Variants in TENM2 observed in about 807,000 individuals in gnomAD.
The protein encoded by TENM2 is teneurin transmembrane protein 2.
TENM2 carries 52 observed loss-of-function variants against 245.2 expected under a neutral mutation model. That is an observed-to-expected ratio of 0.21 (90% confidence interval 0.17 to 0.27). The LOEUF (loss-of-function observed/expected upper bound fraction) is 0.27. TENM2 is among the 10% of genes least tolerant of loss of function. The pLI is 1.00. For synonymous variants in TENM2, 1,363 were observed against 1,438.9 expected (o/e 0.95, Z 1.19); for missense variants, 3,046 against 3,666.8 (o/e 0.83, Z 4.37).
intron 5 of TENM2, among the ~76,000 whole-genome samples, chr5:168,005,696 A>G (rs1347952454): frequency 6.6e-6 from 1 of 152,210 alleles, no homozygotes; most frequent in Non-Finnish European, 1.5e-5. Flanking sequence ...GACCCCCAAC[A>G]TGAAAAGTAA....
At chr5:167,765,115 C>G (rs1762923122) in intron 2 of TENM2, among the ~76,000 whole-genome samples, 1 of 152,116 alleles carries the variant, frequency 6.6e-6, no homozygotes, top group South Asian at 2.1e-4. Context: ...AAATTGAGAC[C>G]TACAGGTCTG....
chr5:167,614,210 A>C (rs1379321770), intron 2 of TENM2, among the ~76,000 whole-genome samples: 2 of 152,134 alleles, frequency 1.3e-5, no homozygotes, highest in Admixed American at 6.6e-5. Flanking sequence ...TTTTATGAGA[A>C]ATTTCCTATC....
At chr5:167,635,633 C>T (rs956310695) in intron 2 of TENM2, among the ~76,000 whole-genome samples, 90 of 74,924 alleles carry the variant, frequency 1.2e-3, no homozygotes, top group East Asian at 1.0e-2. Flanking sequence ...TCAGTACAGT[C>T]TTTTTTTTTT....
At chr5:167,435,102 T>G (rs949505262) in intron 2 of TENM2, among the ~76,000 whole-genome samples, 1 of 152,220 alleles carries the variant, frequency 6.6e-6, no homozygotes, top group Non-Finnish European at 1.5e-5. Flanking sequence ...TCTTAAGCAA[T>G]TCTCCAATAA....
chr5:167,182,874 C>A, the TENM2 span, among the ~76,000 whole-genome samples: 1 of 152,014 alleles, frequency 6.6e-6, no homozygotes. Flanking sequence ...AATGTGTGCA[C>A]TTTCTATTAA....
At chr5:167,551,673 TTAATC>T (rs1211628539) in intron 2 of TENM2, among the ~76,000 whole-genome samples, 16 of 152,204 alleles carry the variant, frequency 1.1e-4, no homozygotes, top group African/African-American at 3.6e-4. Flanking sequence ...TTTGAATTAT[TTAATC>T]TATCTATGTA....
chr5:167,403,405 C>T (rs772072148), intron 2 of TENM2, among the ~76,000 whole-genome samples: 2 of 151,904 alleles, frequency 1.3e-5, no homozygotes, highest in Non-Finnish European at 2.9e-5. Context: ...ATATATTTGC[C>T]ATAGGCAAGA....
At chr5:167,844,846 C>A (rs1475376156) in intron 2 of TENM2, among the ~76,000 whole-genome samples, 177 of 136,098 alleles carry the variant, frequency 1.3e-3, no homozygotes, top group Admixed American at 1.4e-3. Flanking sequence ...TGGTAGTGGC[C>A]AAAAAAAAAA....
At chr5:167,133,813 A>G in the TENM2 span, among the ~76,000 whole-genome samples, 1 of 151,178 alleles carries the variant, frequency 6.6e-6, no homozygotes, top group Non-Finnish European at 1.5e-5. Context: ...TCTTAATGTC[A>G]TGCTTGGGGC....
At chr5:167,610,739 G>A (rs1022516438) in intron 2 of TENM2, among the ~76,000 whole-genome samples, 1 of 152,232 alleles carries the variant, frequency 6.6e-6, no homozygotes. Flanking sequence ...TTAGATAAAT[G>A]TTTCTGGATG....
Position 167,672,657 on chromosome 5 carries a change from T to G in TENM2, c.503-203329T>G, listed in dbSNP as rs1244766260. On this transcript the variant is annotated intron_variant, in intron 2 of 28. Coordinates refer to ENST00000518659, the Ensembl canonical transcript of TENM2. ...CCACTGGTTATTTAAAATAGATCTG[T>G]GCGATCTGAAAATCAAACTGGGTGT... is the stretch of plus-strand genomic sequence containing the variant. Among the ~76,000 whole-genome samples the G allele has an allele frequency of 3.9e-5, 6 of 152,258 alleles. No individual in the cohort carries two copies. In the East Asian group the frequency reaches 1.2e-3, roughly 29 times the overall value.
intron 23 of TENM2, among the ~76,000 whole-genome samples, chr5:168,222,320 C>T (rs1224157899): frequency 6.6e-6 from 1 of 152,180 alleles, no homozygotes; most frequent in Non-Finnish European, 1.5e-5. Flanking sequence ...CTCAGAGGGG[C>T]AGAAAAACAC....
chr5:167,230,997 T>C, the TENM2 span, among the ~76,000 whole-genome samples: 1 of 152,292 alleles, frequency 6.6e-6, no homozygotes, highest in African/African-American at 2.4e-5. Context: ...GATGGTTTTA[T>C]TACTGTGGCA....
At chr5:167,575,709 GT>G (rs1488759194) in intron 2 of TENM2, among the ~76,000 whole-genome samples, 1 of 152,160 alleles carries the variant, frequency 6.6e-6, no homozygotes, top group Non-Finnish European at 1.5e-5. Flanking sequence ...TTTCCTCATG[GT>G]TGAAAGAATA....
chr5:167,031,708 G>A, the TENM2 span, among the ~76,000 whole-genome samples: 1 of 152,096 alleles, frequency 6.6e-6, no homozygotes, highest in African/African-American at 2.4e-5. Flanking sequence ...GGGATTACAG[G>A]CATGCGCTAC....
At chr5:167,165,137 G>A in the TENM2 span, 4 of 152,110 alleles carry the variant, frequency 2.6e-5, no homozygotes, top group Admixed American at 2.0e-4. Flanking sequence ...GTCTGAGTAG[G>A]CTGCAGCTAT....
intron 3 of TENM2, among the ~76,000 whole-genome samples, chr5:167,933,137 G>A (rs986069506): frequency 1.3e-5 from 2 of 152,058 alleles, no homozygotes; most frequent in African/African-American, 4.8e-5. Flanking sequence ...TGACTTTCTG[G>A]GCGATAACCC....
At chr5:168,033,962 G>A (rs562002956) in intron 5 of TENM2, among the ~76,000 whole-genome samples, 2 of 151,578 alleles carry the variant, frequency 1.3e-5, no homozygotes, top group Non-Finnish European at 2.9e-5. Context: ...GGGAGGCAGA[G>A]CTTACAGTGA....
At chr5:167,819,855 C>A (rs1373237375) in intron 2 of TENM2, among the ~76,000 whole-genome samples, 3 of 152,130 alleles carry the variant, frequency 2.0e-5, no homozygotes, top group Non-Finnish European at 4.4e-5. Flanking sequence ...CAATGGGGCA[C>A]CAAGGAGCAT....
Sources: gnomAD v4.1 joint callset for allele counts (sites outside exome capture counted in the v4.1 genomes callset) on GRCh38, gnomAD v4.1.1 for gene constraint, MANE v1.5 for transcripts, NCBI Gene and HGNC (gene_info 2026-07-23, HGNC 2026-07-21) for gene names.